Variants in FRMD4B observed in about 807,000 individuals in gnomAD.
The protein encoded by FRMD4B is FERM domain-containing protein 4B.
A neutral mutation model predicts 141.5 loss-of-function variants in FRMD4B; 74 were observed. That is an observed-to-expected ratio of 0.52 (90% CI 0.43 to 0.63). FRMD4B has a LOEUF of 0.63. Among genes scored for constraint, FRMD4B ranks in the 30% least tolerant of loss-of-function variants. The pLI is 0.00. For missense variants in FRMD4B, 1,366 were observed against 1,253.4 expected (o/e 1.09, Z -1.36); for synonymous variants, 506 against 467.9 (o/e 1.08, Z -1.05).
chr3:69,323,612 A>ATG (rs1559805143), intron 1 of FRMD4B, among the ~76,000 whole-genome samples: 2 of 19,376 alleles, frequency 1.0e-4, no homozygotes, highest in East Asian at 6.0e-4. Flanking sequence ...CTCTGTGTAT[A>ATG]TATATATATA....
chr3:69,513,250 G>T (rs1284082503), intron 1 of FRMD4B, among the ~76,000 whole-genome samples: 1 of 151,490 alleles, frequency 6.6e-6, no homozygotes, highest in Non-Finnish European at 1.5e-5. Flanking sequence ...AAATAAAAGG[G>T]ATTATAAGAG....
intron 5 of FRMD4B, among the ~76,000 whole-genome samples, chr3:69,263,282 A>T (rs571582232): frequency 1.1e-4 from 17 of 152,122 alleles, no homozygotes; most frequent in South Asian, 1.0e-3. Flanking sequence ...AATAAATAAA[A>T]AAGCAAATGG....
rs1045090710 is a variant in FRMD4B, at chr3:69,223,080, T to C, written c.666-1157A>G. The stretch of plus-strand genomic sequence containing the variant: ...ACTCTACTATCACCATTTACAGACA[T>C]GTTGCTTTAGGAGAAAACCCTTTTA... On this transcript the variant is annotated intron_variant, in intron 8 of 22. Coordinates refer to ENST00000398540, the MANE Select transcript of FRMD4B (RefSeq NM_015123.3). 3.3e-5 allele frequency among the ~76,000 whole-genome samples: 5 copies of C among 152,318 alleles called. No individual in the cohort carries two copies. The South Asian group carries it at 8.3e-4, about 25-fold the overall frequency.
chr3:69,282,229 G>T (rs1171523228), intron 5 of FRMD4B, among the ~76,000 whole-genome samples: 1 of 152,208 alleles, frequency 6.6e-6, no homozygotes, highest in Non-Finnish European at 1.5e-5. Context: ...TCTGTTCTCA[G>T]TGGAAGGAAG....
intron 5 of FRMD4B, among the ~76,000 whole-genome samples, chr3:69,270,112 C>T (rs2093587482): frequency 6.6e-6 from 1 of 152,058 alleles, no homozygotes; most frequent in Non-Finnish European, 1.5e-5. Context: ...AACCTGCAGG[C>T]TCAAGCAATC....
intron 5 of FRMD4B, among the ~76,000 whole-genome samples, chr3:69,252,769 T>C (rs9863628): frequency 0.68 from 104,086 of 151,972 alleles, 36,464 homozygotes; most frequent in Non-Finnish European, 0.77. Flanking sequence ...CTCTCAACCA[T>C]GGCAACAGAG....
intron 2 of FRMD4B, among the ~76,000 whole-genome samples, chr3:69,426,410 C>A (rs1705078899): frequency 6.6e-6 from 1 of 151,830 alleles, no homozygotes; most frequent in South Asian, 2.1e-4. Context: ...GAGAATAGTC[C>A]AGAAGTGGAA....
At chr3:69,177,020 G>T (rs1224669573) in intron 21 of FRMD4B, among the ~76,000 whole-genome samples, 2 of 152,154 alleles carry the variant, frequency 1.3e-5, no homozygotes, top group African/African-American at 4.8e-5. Context: ...TTAATTGAAA[G>T]ATAAATTTGT....
Position 69,386,004 on chromosome 3 carries a change from T to A in FRMD4B, c.-15A>T, listed in dbSNP as rs1401987781. On this transcript the variant is annotated 5_prime_UTR_variant, in exon 1 of 23. Transcript: ENST00000398540. Reference sequence around the variant, plus strand: ...ACCGAAGCCATGCCTCCTCCTTCGCTCTGAACCCGGGCGTCCCGGCTCTCG... The same window carrying A: ...ACCGAAGCCATGCCTCCTCCTTCGCACTGAACCCGGGCGTCCCGGCTCTCG... 6.4e-7 allele frequency: 1 copy of A among 1,564,932 alleles called. No homozygotes were observed. The highest frequency in any genetic ancestry group is 1.2e-5 in the South Asian group (1 of 85,102).
At chr3:69,184,849 G>A (rs1351508594) in intron 19 of FRMD4B, among the ~76,000 whole-genome samples, 1 of 152,158 alleles carries the variant, frequency 6.6e-6, no homozygotes, top group Non-Finnish European at 1.5e-5. Context: ...TAGCATGACT[G>A]AGGAACCAAA....
At chr3:69,360,061 C>G (rs1482061775) in intron 1 of FRMD4B, among the ~76,000 whole-genome samples, 2 of 152,132 alleles carry the variant, frequency 1.3e-5, no homozygotes, top group Middle Eastern at 3.2e-3. Flanking sequence ...GTTAGATTTC[C>G]TTCCTGTCTT....
intron 22 of FRMD4B, 91 bp from the exon 23 acceptor site, chr3:69,172,072 A>G: frequency 1.6e-6 from 2 of 1,226,356 alleles, no homozygotes; most frequent in Non-Finnish European, 2.3e-6. Context: ...GTTAGTAGGA[A>G]GCACTGTTAA....
chr3:69,481,163 C>T (rs143514535), intron 1 of FRMD4B, among the ~76,000 whole-genome samples: 133 of 152,302 alleles, frequency 8.7e-4, no homozygotes, highest in African/African-American at 3.0e-3. Flanking sequence ...TTGCACTTCC[C>T]GAGTGAGGTA....
At chr3:69,336,935 C>T (rs1390961642) in intron 1 of FRMD4B, among the ~76,000 whole-genome samples, 1 of 152,144 alleles carries the variant, frequency 6.6e-6, no homozygotes, top group African/African-American at 2.4e-5. Flanking sequence ...CAGAGTGAGA[C>T]TCTGTCTCAA....
intron 1 of FRMD4B, among the ~76,000 whole-genome samples, chr3:69,482,906 A>C (rs1031023623): frequency 1.3e-5 from 2 of 150,426 alleles, no homozygotes; most frequent in African/African-American, 4.9e-5. Flanking sequence ...TTACTTCTCT[A>C]ACACCAATTC....
At chr3:69,187,740 A>G (rs1468793726) in intron 19 of FRMD4B, 30 bp downstream of exon 19, 1 of 1,590,288 alleles carries the variant, frequency 6.3e-7, no homozygotes, top group Non-Finnish European at 8.5e-7. Flanking sequence ...GCTGTGGGGC[A>G]TTAACCTTAC....
Position 69,182,022 on chromosome 3 carries a change from A to G in FRMD4B, c.2040-312T>C, listed in dbSNP as rs374993549. Among the ~76,000 whole-genome samples the G allele has an allele frequency of 3.3e-5, 5 of 152,106 alleles. No individual in the cohort carries two copies. The East Asian group carries it at 9.6e-4, about 29-fold the overall frequency. ...TGCATCACAGCCTGGAAAAAAAAAC[A>G]AAAACAAAAACAAAAAACCCAACGT... On this transcript the variant is annotated intron_variant, in intron 20 of 22. Coordinates refer to ENST00000398540, the MANE Select transcript of FRMD4B (RefSeq NM_015123.3).
chr3:69,457,027 T>TAC (rs1248330916), intron 1 of FRMD4B, among the ~76,000 whole-genome samples: 4 of 152,066 alleles, frequency 2.6e-5, no homozygotes, highest in Non-Finnish European at 2.9e-5. Context: ...CTAATTCACA[T>TAC]ACACACACAC....
chr3:69,207,535 C>G (rs1442773860), intron 11 of FRMD4B, among the ~76,000 whole-genome samples: 1 of 152,026 alleles, frequency 6.6e-6, no homozygotes, highest in African/African-American at 2.4e-5. Flanking sequence ...GACAGTCAGG[C>G]ACCGTGGCTC....
Sources: allele counts gnomAD v4.1 joint callset (sites outside exome capture counted in the v4.1 genomes callset), GRCh38; gene constraint gnomAD v4.1.1; transcripts MANE v1.5; gene names NCBI Gene and HGNC (gene_info 2026-07-23, HGNC 2026-07-21).